The following ADAM33 variants were observed in gnomAD, a reference collection of about 807,000 sequenced individuals.
ADAM33 encodes ADAM metallopeptidase domain 33.
Under a neutral mutation model 106.2 loss-of-function variants are expected in ADAM33, and 103 were observed. The observed-to-expected ratio is 0.97, with a 90% confidence interval of 0.83 to 1.14. The LOEUF (loss-of-function observed/expected upper bound fraction) is 1.14. Among genes scored for constraint, ADAM33 ranks in the 50% most tolerant of loss-of-function variants. The pLI, the probability that ADAM33 is intolerant of heterozygous loss-of-function variation, is 0.00. For missense variants in ADAM33, 1,120 were observed against 1,096.6 expected (o/e 1.02, Z -0.30); for synonymous variants, 483 against 453.0 (o/e 1.07, Z -0.84).
intron 8 of ADAM33, 24 bp from the exon 9 acceptor site, chr20:3,673,935 C>T (rs768887472): frequency 4.5e-6 from 7 of 1,571,700 alleles, no homozygotes; most frequent in Admixed American, 1.8e-5. Flanking sequence ...GGGGCTGAAG[C>T]CGGGACAGGG....
chr20:3,670,743 A>T, intron 19 of ADAM33: 1 of 459,082 alleles, frequency 2.2e-6, no homozygotes, highest in Non-Finnish European at 3.9e-6. Flanking sequence ...TGGGAGAAGC[A>T]GGAGAGTGGA....
At chr20:3,670,583 T>G in intron 19 of ADAM33, 1 of 175,226 alleles carries the variant, frequency 5.7e-6, no homozygotes, top group Non-Finnish European at 1.2e-5. Context: ...TTCAAGGGGG[T>G]GACAGAGGTG....
intron 1 of ADAM33, among the ~76,000 whole-genome samples, chr20:3,680,821 G>T (rs368082446): frequency 2.8e-4 from 42 of 152,298 alleles, no homozygotes; most frequent in African/African-American, 9.4e-4. Context: ...TTGCGCGCAC[G>T]TGCTGGCCAC....
Position 3,674,290 on chromosome 20 carries a change from GA to G in ADAM33, c.601-7del, listed in dbSNP as rs2087788448. 2.5e-6 allele frequency: 4 copies of G among 1,613,818 alleles called. No individual in the cohort carries two copies. The highest frequency in any genetic ancestry group is 3.4e-6 in the Non-Finnish European group (4 of 1,180,018). ...CTGCGCGCTTCTCGCCTGCCCTGCG[GA>G]GGTGCAAATGGGGACCCTGAGTGGA... is the stretch of plus-strand genomic sequence containing the variant. On this transcript the variant is annotated splice_region_variant and splice_polypyrimidine_tract_variant and intron_variant, in intron 6 of 21. Coordinates refer to ENST00000356518, the MANE Select transcript of ADAM33 (RefSeq NM_025220.5).
intron 13 of ADAM33, 63 bp downstream of exon 13, chr20:3,672,474 A>C (rs551495617): frequency 6.3e-7 from 1 of 1,592,528 alleles, no homozygotes; most frequent in African/African-American, 1.3e-5. Context: ...CCAATTAACT[A>C]AGGCCAACAG....
At chr20:3,670,074 G>A in intron 19 of ADAM33, 1 of 277,664 alleles carries the variant, frequency 3.6e-6, no homozygotes, top group South Asian at 4.4e-5. Context: ...TTCCTGTGAT[G>A]TTCCTTCAAA....
In ADAM33 at chr20:3,673,882, C is replaced by A; in HGVS notation, c.768G>T (p.Ala256=). 4 of 1,562,154 alleles carry A rather than the reference C, an allele frequency of 2.6e-6. No homozygotes were observed. Among genetic ancestry groups the A allele is most frequent in the Non-Finnish European group, 3.4e-6 (4 of 1,161,282 alleles). The change falls in exon 9 of 22, where the codon GCG becomes GCT. Residue 256 remains alanine (A), a synonymous_variant. Transcript: ENST00000356518. ...CGGTCCACACCTCCAGGCCGGTCAG[C>A]GCCACCTGAATGTCCAGAGTCCTGA... ...QLLRTLDIQV[A]LTGLEVWTER...
intron 19 of ADAM33, chr20:3,669,858 C>T: frequency 1.5e-6 from 1 of 653,956 alleles, no homozygotes; most frequent in Non-Finnish European, 2.8e-6. Flanking sequence ...GCTGGCACCT[C>T]CTCTCTCTAG....
At chr20:3,674,332 G>A (rs751714588) in intron 6 of ADAM33, 48 bp from the exon 7 acceptor site, 3 of 1,612,596 alleles carry the variant, frequency 1.9e-6, no homozygotes, top group Non-Finnish European at 1.7e-6. Flanking sequence ...CTGGGCTTGA[G>A]CCCTGACCAC....
rs373056338 is a variant in ADAM33, at chr20:3,672,237, G to T, written c.1494C>A (p.Asp498Glu). The T allele has an allele frequency of 1.2e-6, 2 of 1,613,456 alleles. No homozygotes were observed. Among genetic ancestry groups the T allele is most frequent in the African/African-American group, 1.3e-5 (1 of 75,064 alleles). The change falls in exon 14 of 22, where the codon GAC (aspartate) becomes GAA (glutamate). Residue 498 changes from aspartate to glutamate, a missense_variant. Physicochemically the swap from Asp to Glu is conservative, Grantham distance 45. Transcript: ENST00000356518. ...AGGGTGAGCCGTCCAGTAGGTAAAC[G>T]TCTGGGGGACAGTGGGAGGAGGTGC... is the stretch of plus-strand genomic sequence containing the variant. ...CTGTSSHCPP[D>E]VYLLDGSPCA...
chr20:3,676,943 C>T lies in ADAM33; in HGVS notation c.254+124G>A, dbSNP rs2088020055. ...GAGCCAACCACAGGCCTGCGTGACT[C>T]TCCCTGTCATCTGCACCCTCTCTGG... is the stretch of plus-strand genomic sequence containing the variant. On this transcript the variant is annotated intron_variant, in intron 3 of 21. Transcript: ENST00000356518. 3 of 1,029,664 alleles carry T rather than the reference C, an allele frequency of 2.9e-6. No homozygotes were observed. The South Asian group carries it at 5.2e-5, about 18-fold the overall frequency. 63.8% of individuals were successfully genotyped at this position (1,029,664 alleles called of 1,614,324 possible).
rs546237329 is a variant in ADAM33 at position 3,675,455 on chromosome 20, C to T, written c.255-350G>A. 5.3e-5 allele frequency among the ~76,000 whole-genome samples: 8 copies of T among 152,162 alleles called. No individual in the cohort carries two copies. The highest frequency in any genetic ancestry group is 1.7e-4 in the African/African-American group (7 of 41,482). On this transcript the variant is annotated intron_variant, in intron 3 of 21. Coordinates refer to ENST00000356518, the MANE Select transcript of ADAM33 (RefSeq NM_025220.5). This position sits in a 1 kb window ranked among gnomAD's most constrained non-coding sequence, Gnocchi z 4.1. The stretch of plus-strand genomic sequence containing the variant: ...GAGGGGAGGAGTCAGGAGACACTGC[C>T]GAAGAATGGGACTTGGAGTTGGGGA...
Position 3,672,736 on chromosome 20 carries a change from G to A in ADAM33, c.1296C>T (p.Asp432=), listed in dbSNP as rs1407181331. 6.4e-7 allele frequency: 1 copy of A among 1,573,996 alleles called. No homozygotes were observed. ...CCGACTTAACCTGGCCAGGGCCGCAGTCACACTCCTCGCCCGCTTCCACGA... is the reference window on the plus strand; with the variant it reads ...CCGACTTAACCTGGCCAGGGCCGCAATCACACTCCTCGCCCGCTTCCACGA... ...NGFVEAGEEC[D]CGPGQECRDL... Residue 432 remains aspartate (D), a synonymous_variant, in exon 12 of 22, where the codon GAC becomes GAT. Transcript: ENST00000356518.
intron 19 of ADAM33, chr20:3,670,401 T>G (rs1485009428): frequency 6.2e-6 from 1 of 160,404 alleles, no homozygotes; most frequent in Non-Finnish European, 1.4e-5. Context: ...AGGGCCCTGG[T>G]GCAGGGTGAG....
rs2087826777 is a variant in ADAM33 at position 3,674,754 on chromosome 20, C to A, written c.410+19G>T. ...GCTCTTTCCCCATCCCAGGCCCAGC[C>A]TCCTCTCCCAGAGCTCACCTCATCC... is the stretch of plus-strand genomic sequence containing the variant. On this transcript the variant is annotated intron_variant, in intron 5 of 21. Transcript: ENST00000356518. 4.4e-6 allele frequency: 7 copies of A among 1,598,438 alleles called. No individual in the cohort carries two copies. The highest frequency in any genetic ancestry group is 6.0e-6 in the Non-Finnish European group (7 of 1,171,954).
Position 3,669,535 on chromosome 20 carries a change from G to A in ADAM33, c.2332+11C>T. On this transcript the variant is annotated intron_variant, in intron 20 of 21. Transcript: ENST00000356518. ...CCTTCCCTCTCCACCTCCCCCTGGTGCCTCACTCACCCAGGGGCCAGGGCT... is the reference window on the plus strand; with the variant it reads ...CCTTCCCTCTCCACCTCCCCCTGGTACCTCACTCACCCAGGGGCCAGGGCT... The A allele has an allele frequency of 6.3e-7, 1 of 1,574,830 alleles. No homozygotes were observed. Among genetic ancestry groups the A allele is most frequent in the Non-Finnish European group, 8.6e-7 (1 of 1,159,338 alleles).
At chr20:3,680,492 C>T (rs989481382) in intron 1 of ADAM33, among the ~76,000 whole-genome samples, 7 of 152,332 alleles carry the variant, frequency 4.6e-5, no homozygotes, top group Non-Finnish European at 8.8e-5. Flanking sequence ...CCTTCTCTCC[C>T]AGACTACAAA....
At chr20:3,673,050 CAG>C (rs2087660784) in intron 11 of ADAM33, 152 bp from the exon 12 acceptor site, 7 of 1,437,918 alleles carry the variant, frequency 4.9e-6, no homozygotes, top group Non-Finnish European at 6.4e-6. Flanking sequence ...ACAAGCGGGA[CAG>C]GGGACGATGC....
At position 3,674,518 on chromosome 20, in the gene ADAM33, C is replaced by T. The variant is rs1568810999; in HGVS notation, c.586G>A (p.Gly196Ser). 3 of 1,613,264 alleles carry T rather than the reference C, an allele frequency of 1.9e-6. No homozygotes were observed. The highest frequency in any genetic ancestry group is 2.5e-6 in the Non-Finnish European group (3 of 1,179,920). Residue 196 changes from glycine to serine, a missense_variant, in exon 6 of 22, where the codon GGT becomes AGT. Coordinates refer to ENST00000356518, the MANE Select transcript of ADAM33 (RefSeq NM_025220.5). ...ATGCCCCTGACCCTGCTCTGGGGAC[C>T]ACCAGGAAGGCTGGTCATGCCCGCT... is the stretch of plus-strand genomic sequence containing the variant. ...NKAGMTSLPG[G>S]PQSRGRREAR...
Sources: allele counts gnomAD v4.1 joint callset (sites outside exome capture counted in the v4.1 genomes callset), GRCh38; gene constraint gnomAD v4.1.1; non-coding constraint Gnocchi (gnomAD v3.1); transcripts MANE v1.5; gene names NCBI Gene and HGNC (gene_info 2026-07-23, HGNC 2026-07-21).